Variants in MYO18B observed in about 807,000 individuals in gnomAD.
MYO18B encodes unconventional myosin-XVIIIb.
A neutral mutation model predicts 273.0 loss-of-function variants in MYO18B; 204 were observed. The observed-to-expected ratio is 0.75, with a 90% CI of 0.67 to 0.84. The LOEUF is 0.84. Among genes scored for constraint, MYO18B ranks in the 40% least tolerant of loss-of-function variants. The probability of loss-of-function intolerance (pLI) is 0.00; values close to 1 mark genes in which losing one functional copy is unlikely to be tolerated. For missense variants in MYO18B, 3,212 were observed against 3,287.6 expected (o/e 0.98, Z 0.56); for synonymous variants, 1,330 against 1,305.7 (o/e 1.02, Z -0.40).
intron 34 of MYO18B, among the ~76,000 whole-genome samples, chr22:25,933,621 G>A (rs796291928): frequency 2.6e-5 from 4 of 152,286 alleles, no homozygotes; most frequent in Middle Eastern, 6.8e-3. Context: ...AAAAGTAATG[G>A]CATTAAATTA....
At chr22:26,019,427 G>A (rs1049498941) in intron 42 of MYO18B, among the ~76,000 whole-genome samples, 1 of 152,194 alleles carries the variant, frequency 6.6e-6, no homozygotes. Context: ...CTGCTTTAGA[G>A]GACTGTTGTG....
In MYO18B at chr22:25,847,658, A is replaced by G. The variant is rs555339658; in HGVS notation, c.3775+6A>G. The G allele has an allele frequency of 1.9e-5, 30 of 1,550,928 alleles. No individual in the cohort carries two copies. Among genetic ancestry groups the G allele is most frequent in the Non-Finnish European group, 2.5e-5 (29 of 1,147,000 alleles). Reference sequence around the variant, plus strand: ...TCTGCGTCTGCATAGGACAGGTAAGAGACAGCTAGGACACAGCACCTTGTC... The same window carrying G: ...TCTGCGTCTGCATAGGACAGGTAAGGGACAGCTAGGACACAGCACCTTGTC... On this transcript the variant is annotated splice_donor_region_variant and intron_variant, in intron 20 of 43. Coordinates refer to ENST00000335473, the MANE Select transcript of MYO18B (RefSeq NM_032608.7).
intron 22 of MYO18B, among the ~76,000 whole-genome samples, chr22:25,872,248 A>G (rs1197889108): frequency 6.6e-6 from 1 of 152,178 alleles, no homozygotes; most frequent in African/African-American, 2.4e-5. Flanking sequence ...ATTACGAAAA[A>G]TAGGGTTTAG....
At chr22:25,787,202 G>A (rs554508209) in intron 11 of MYO18B, among the ~76,000 whole-genome samples, 2 of 151,774 alleles carry the variant, frequency 1.3e-5, no homozygotes, top group South Asian at 2.1e-4. Flanking sequence ...GAGACAGAGC[G>A]AGACTCTGTC....
intron 3 of MYO18B, among the ~76,000 whole-genome samples, chr22:25,763,893 TG>T (rs1360346825): frequency 1.3e-5 from 2 of 152,206 alleles, no homozygotes; most frequent in Non-Finnish European, 2.9e-5. Context: ...GATGTATAGT[TG>T]GTTCACTTTA....
chr22:25,980,780 G>C (rs1182064261), intron 39 of MYO18B, among the ~76,000 whole-genome samples: 11 of 152,190 alleles, frequency 7.2e-5, no homozygotes, highest in Admixed American at 5.2e-4. Context: ...TGTTGTATTA[G>C]TTTTTTAGGG....
chr22:25,915,854 T>A (rs1490716844), intron 33 of MYO18B, among the ~76,000 whole-genome samples: 1 of 152,210 alleles, frequency 6.6e-6, no homozygotes, highest in African/African-American at 2.4e-5. Flanking sequence ...GTTTTATAAT[T>A]TTTTTCTCTT....
intron 20 of MYO18B, among the ~76,000 whole-genome samples, chr22:25,851,101 G>A (rs1216949259): frequency 6.6e-6 from 1 of 152,146 alleles, no homozygotes; most frequent in Non-Finnish European, 1.5e-5. Context: ...GAACCTCTGG[G>A]CTAACGTTGG....
intron 39 of MYO18B, among the ~76,000 whole-genome samples, chr22:25,963,178 T>TCTCTCTCACACACACACACACACA (rs774304270): frequency 2.1e-5 from 3 of 144,074 alleles, no homozygotes; most frequent in African/African-American, 7.8e-5. Flanking sequence ...TCTCTCTCTC[T>TCTCTCTCACACACACACACACACA]CACACACACA....
intron 25 of MYO18B, among the ~76,000 whole-genome samples, chr22:25,879,320 A>G (rs577578436): frequency 6.7e-4 from 40 of 59,644 alleles, no homozygotes; most frequent in African/African-American, 1.9e-3. Flanking sequence ...GAAAATGTGT[A>G]TCAACATGCA....
At chr22:25,846,856 C>G (rs1195872593) in intron 19 of MYO18B, among the ~76,000 whole-genome samples, 8 of 152,120 alleles carry the variant, frequency 5.3e-5, no homozygotes, top group African/African-American at 1.9e-4. Context: ...CCAAGGCGGG[C>G]AGATCACGAG....
Position 25,992,337 on chromosome 22 carries a change from C to T in MYO18B, c.6157-26C>T, listed in dbSNP as rs372720481. ...TGGTGCATTTCTTGCCCAAGGCCAA[C>T]GTGTGTTTGCATCTTCTGTCCCCAG... On this transcript the variant is annotated intron_variant, in intron 39 of 43. Coordinates refer to ENST00000335473, the MANE Select transcript of MYO18B (RefSeq NM_032608.7). The T allele has an allele frequency of 1.1e-4, 177 of 1,612,144 alleles. 2 individuals carry two copies. The highest frequency in any genetic ancestry group is 3.0e-4 in the Admixed American group (18 of 59,990).
chr22:25,874,340 G>A lies in MYO18B; in HGVS notation c.4006G>A (p.Val1336Ile). ...GCTTGAGAAGCAGCGAGAGAAGCTG[G>A]TATCTCAGAGCATCGTTCTCTTCCA... is the stretch of plus-strand genomic sequence containing the variant. ...SRLEKQREKL[V>I]SQSIVLFQAA... Residue 1336 changes from valine to isoleucine, a missense_variant, in exon 23 of 44, where the codon GTA becomes ATA. Coordinates refer to ENST00000335473, the MANE Select transcript of MYO18B (RefSeq NM_032608.7). 2 of 1,613,960 alleles carry A rather than the reference G, an allele frequency of 1.2e-6. No individual in the cohort carries two copies. The highest frequency in any genetic ancestry group is 1.7e-6 in the Non-Finnish European group (2 of 1,179,882).
At chr22:25,770,295 G>GT in intron 5 of MYO18B, 119 bp downstream of exon 5, 1 of 902,252 alleles carries the variant, frequency 1.1e-6, no homozygotes, top group South Asian at 1.6e-5. Flanking sequence ...AAGAGGAGCA[G>GT]TGGAGACTGT....
chr22:25,758,099 C>A (rs528806561), intron 1 of MYO18B, among the ~76,000 whole-genome samples: 6 of 152,116 alleles, frequency 3.9e-5, no homozygotes, highest in Admixed American at 6.5e-5. Flanking sequence ...CTGCAACCTC[C>A]GCCTCCCGGA....
intron 27 of MYO18B, among the ~76,000 whole-genome samples, chr22:25,893,456 C>G (rs749038109): frequency 2.6e-5 from 4 of 152,184 alleles, no homozygotes; most frequent in African/African-American, 4.8e-5. Context: ...ACAGTTTCCC[C>G]TCTTGTTCGT....
At chr22:25,812,251 A>G (rs2088796154) in intron 12 of MYO18B, among the ~76,000 whole-genome samples, 1 of 152,198 alleles carries the variant, frequency 6.6e-6, no homozygotes, top group African/African-American at 2.4e-5. Flanking sequence ...TCTTAGGTGA[A>G]GAATGCGGGG....
downstream of MYO18B, among the ~76,000 whole-genome samples, chr22:26,034,230 A>C (rs948202435): frequency 1.3e-5 from 2 of 152,202 alleles, no homozygotes; most frequent in Non-Finnish European, 2.9e-5. Flanking sequence ...TCACATAGGC[A>C]GTGTGCTCAC....
intron 3 of MYO18B, among the ~76,000 whole-genome samples, chr22:25,767,754 C>A (rs2086559293): frequency 6.6e-6 from 1 of 152,188 alleles, no homozygotes; most frequent in Admixed American, 6.5e-5. Flanking sequence ...CACACATTCT[C>A]ACACCTACCC....
Sources: allele counts gnomAD v4.1 joint callset (sites outside exome capture counted in the v4.1 genomes callset), GRCh38; gene constraint gnomAD v4.1.1; transcripts MANE v1.5; gene names NCBI Gene and HGNC (gene_info 2026-07-23, HGNC 2026-07-21).